The following C1orf21 variants were observed in gnomAD, a reference collection of about 807,000 sequenced individuals.
C1orf21 encodes the protein chromosome 1 open reading frame 21.
Under a neutral mutation model 18.7 loss-of-function variants are expected in C1orf21, and 3 were observed. That is an observed-to-expected ratio of 0.16 (90% CI 0.07 to 0.42). The LOEUF (loss-of-function observed/expected upper bound fraction) is 0.42, where lower values mean the gene tolerates loss of function less well. C1orf21 is among the 10% of genes least tolerant of loss of function. The probability of loss-of-function intolerance (pLI) is 0.99; values close to 1 mark genes in which losing one functional copy is unlikely to be tolerated. For missense variants in C1orf21, 104 were observed against 143.6 expected, an observed-to-expected ratio of 0.72 and a Z score of 1.41; for synonymous variants, 41 against 46.4, an observed-to-expected ratio of 0.88 and a Z score of 0.47.
Position 184,573,535 on chromosome 1 carries a change from A to C in C1orf21, c.190-17204A>C, listed in dbSNP as rs565668940. Among the ~76,000 whole-genome samples the C allele has an allele frequency of 2.0e-5, 3 of 152,300 alleles. No homozygotes were observed. In the South Asian group the frequency reaches 6.2e-4, roughly 32 times the overall value. Reference sequence around the variant, plus strand: ...GTTCTGTTTAGAAATAACTCCAAAAACGGTTTGTATATTTTATTTTCACAT... The same window carrying C: ...GTTCTGTTTAGAAATAACTCCAAAACCGGTTTGTATATTTTATTTTCACAT... On this transcript the variant is annotated intron_variant, in intron 3 of 5. Coordinates refer to ENST00000235307, the MANE Select transcript of C1orf21 (RefSeq NM_030806.4).
chr1:184,442,329 A>G (rs1243400711), intron 1 of C1orf21, among the ~76,000 whole-genome samples: 1 of 152,196 alleles, frequency 6.6e-6, no homozygotes, highest in Non-Finnish European at 1.5e-5. Flanking sequence ...TGATTCTACT[A>G]GTAAAATGGC....
intron 3 of C1orf21, among the ~76,000 whole-genome samples, chr1:184,571,494 G>T (rs1428981742): frequency 4.6e-5 from 7 of 152,138 alleles, no homozygotes; most frequent in Non-Finnish European, 8.8e-5. Context: ...CCGTTTAGAA[G>T]AATTTTGATT....
intron 2 of C1orf21, among the ~76,000 whole-genome samples, chr1:184,493,315 G>T (rs1202152708): frequency 6.6e-6 from 1 of 152,136 alleles, no homozygotes; most frequent in Non-Finnish European, 1.5e-5. Flanking sequence ...TAATATAAAT[G>T]TACATTTACA....
chr1:184,473,815 A>T (rs772203662), intron 1 of C1orf21, among the ~76,000 whole-genome samples: 1 of 152,162 alleles, frequency 6.6e-6, no homozygotes, highest in Non-Finnish European at 1.5e-5. Flanking sequence ...GCTGTACGTC[A>T]TTGCTGCAAA....
At chr1:184,569,782 G>A (rs1342376954) in intron 3 of C1orf21, among the ~76,000 whole-genome samples, 1 of 152,212 alleles carries the variant, frequency 6.6e-6, no homozygotes, top group African/African-American at 2.4e-5. Flanking sequence ...GAAGATTGGG[G>A]CCAGGGATGT....
rs985341323 is a variant in C1orf21 at position 184,430,045 on chromosome 1, G to C, written c.-125+42677G>C. On this transcript the variant is annotated intron_variant, in intron 1 of 5. Transcript: ENST00000235307. ...GAGAATGGCGTGAACCCGGGAGGTGGAGCTTGCAGTGAGCCGAGATCACCC... is the reference window on the plus strand; with the variant it reads ...GAGAATGGCGTGAACCCGGGAGGTGCAGCTTGCAGTGAGCCGAGATCACCC... 3.3e-5 allele frequency among the ~76,000 whole-genome samples: 5 copies of C among 150,596 alleles called. No homozygotes were observed. In the South Asian group the frequency reaches 1.0e-3, roughly 32 times the overall value.
rs144363441 is a variant in C1orf21 at position 184,484,648 on chromosome 1, G to A, written c.94+7045G>A. Among the ~76,000 whole-genome samples the A allele has an allele frequency of 3.9e-3, 591 of 152,280 alleles. 22 individuals carry two copies. Among genetic ancestry groups the A allele is most frequent in the Admixed American group, 0.036 (543 of 15,294 alleles). On this transcript the variant is annotated intron_variant, in intron 2 of 5. Coordinates refer to ENST00000235307, the MANE Select transcript of C1orf21 (RefSeq NM_030806.4). The stretch of plus-strand genomic sequence containing the variant: ...CCAGCCCTCCCATATAACTAAGGTG[G>A]CCTGCACTGCTGCCAAGTTTGGCTT...
intron 1 of C1orf21, among the ~76,000 whole-genome samples, chr1:184,401,758 T>C (rs941128831): frequency 3.3e-5 from 5 of 151,044 alleles, no homozygotes; most frequent in African/African-American, 1.2e-4. Flanking sequence ...TGTGTAAATA[T>C]TTAGTAGATA....
chr1:184,554,112 G>A (rs1374121423), intron 3 of C1orf21, among the ~76,000 whole-genome samples: 1 of 152,168 alleles, frequency 6.6e-6, no homozygotes, highest in East Asian at 1.9e-4. Flanking sequence ...TATGCAGCAG[G>A]TTGAGAAGGC....
chr1:184,607,130 A>G (rs557455611), intron 5 of C1orf21, among the ~76,000 whole-genome samples: 2 of 152,198 alleles, frequency 1.3e-5, no homozygotes, highest in East Asian at 3.9e-4. Flanking sequence ...CTTCAATTCC[A>G]TTTTTCTAAG....
intron 2 of C1orf21, among the ~76,000 whole-genome samples, chr1:184,501,210 C>A (rs947962287): frequency 6.6e-6 from 1 of 152,186 alleles, no homozygotes; most frequent in Non-Finnish European, 1.5e-5. Flanking sequence ...GAGCCTGACT[C>A]CTTAGTAAGA....
chr1:184,609,698 T>G (rs555437563), intron 5 of C1orf21, among the ~76,000 whole-genome samples: 7 of 152,180 alleles, frequency 4.6e-5, no homozygotes, highest in African/African-American at 1.7e-4. Flanking sequence ...CACAAAAAAA[T>G]TCCACAAAAA....
At chr1:184,461,172 GTCTGT>G (rs1657302366) in intron 1 of C1orf21, among the ~76,000 whole-genome samples, 2 of 152,128 alleles carry the variant, frequency 1.3e-5, no homozygotes, top group African/African-American at 4.8e-5. Flanking sequence ...CCATTGAATG[GTCTGT>G]TCTCATGCCA....
chr1:184,410,663 A>ATATATATATTTTT (rs67546366), intron 1 of C1orf21, among the ~76,000 whole-genome samples: 1 of 7,674 alleles, frequency 1.3e-4, no homozygotes, highest in Non-Finnish European at 1.9e-4. Flanking sequence ...ATATATATAT[A>ATATATATATTTTT]TTTTTTTTTT....
At chr1:184,418,789 C>T (rs1656500474) in intron 1 of C1orf21, among the ~76,000 whole-genome samples, 1 of 152,162 alleles carries the variant, frequency 6.6e-6, no homozygotes, top group Non-Finnish European at 1.5e-5. Context: ...GTCTGAGGCT[C>T]TCCTGGTCAT....
At chr1:184,590,612 T>C (rs899881906) in intron 3 of C1orf21, 127 bp from the exon 4 acceptor site, 1 of 843,852 alleles carries the variant, frequency 1.2e-6, no homozygotes, top group African/African-American at 1.7e-5. Context: ...ACTTTTGCCC[T>C]TGTGAGGTAA....
intron 5 of C1orf21, among the ~76,000 whole-genome samples, chr1:184,616,515 T>C (rs1659826050): frequency 6.6e-6 from 1 of 152,248 alleles, no homozygotes; most frequent in Admixed American, 6.5e-5. Context: ...GTCCTGTGTT[T>C]ACAAAGAAGG....
chr1:184,501,567 C>T (rs1175957756), intron 2 of C1orf21, among the ~76,000 whole-genome samples: 1 of 152,226 alleles, frequency 6.6e-6, no homozygotes, highest in Non-Finnish European at 1.5e-5. Flanking sequence ...ACATCCTCTC[C>T]TACTCGCCAT....
At chr1:184,479,484 T>G (rs1329872600) in intron 2 of C1orf21, among the ~76,000 whole-genome samples, 1 of 152,206 alleles carries the variant, frequency 6.6e-6, no homozygotes. Context: ...ACTTGGAAAC[T>G]GAACACAGAG....
Sources: gnomAD v4.1 joint callset for allele counts (sites outside exome capture counted in the v4.1 genomes callset) on GRCh38, gnomAD v4.1.1 for gene constraint, MANE v1.5 for transcripts, NCBI Gene and HGNC (gene_info 2026-07-23, HGNC 2026-07-21) for gene names.